E2F2: variants seen among roughly 807,000 people sequenced by gnomAD.
E2F2 encodes transcription factor E2F2.
E2F2 carries 22 observed loss-of-function variants against 42.2 expected under a neutral mutation model. The observed-to-expected ratio is 0.52, with a 90% CI of 0.37 to 0.74. The LOEUF (loss-of-function observed/expected upper bound fraction) is 0.74, where lower values mean the gene tolerates loss of function less well. Among genes scored for constraint, E2F2 ranks in the 30% least tolerant of loss-of-function variants. The pLI, the probability that E2F2 is intolerant of heterozygous loss-of-function variation, is 0.00. For missense variants in E2F2, 481 were observed against 557.8 expected (o/e 0.86, Z 1.39); for synonymous variants, 248 against 251.6 (o/e 0.99, Z 0.13).
rs757024658 is a variant in E2F2, at chr1:23,519,142, G to C, written c.738-12C>G. ...TCACATAGGCCAGCGTAGGGCAGGA[G>C]AGTCAAGAAAAGTGACTGTCTGGTC... On this transcript the variant is annotated splice_polypyrimidine_tract_variant and intron_variant, in intron 4 of 6. Coordinates refer to ENST00000361729, the MANE Select transcript of E2F2 (RefSeq NM_004091.4). 2 of 1,607,264 alleles carry C rather than the reference G, an allele frequency of 1.2e-6. No individual in the cohort carries two copies. The highest frequency in any genetic ancestry group is 1.7e-6 in the Non-Finnish European group (2 of 1,174,876).
At chr1:23,515,058 C>A (rs1367196221) in intron 6 of E2F2, among the ~76,000 whole-genome samples, 1 of 152,146 alleles carries the variant, frequency 6.6e-6, no homozygotes, top group East Asian at 1.9e-4. Context: ...ACTGCAGAGC[C>A]CTTCCAGCAA....
chr1:23,513,561 CATGTGTGTGT>C lies in E2F2; in HGVS notation c.1045+2764_1045+2773del, dbSNP rs1205361700. 2.2e-3 allele frequency among the ~76,000 whole-genome samples: 257 copies of C among 116,026 alleles called. 1 individual carries two copies. Among genetic ancestry groups the C allele is most frequent in the African/African-American group, 5.6e-3 (180 of 32,306 alleles). 76.1% of individuals were successfully genotyped at this position (116,026 alleles called of 152,430 possible). ...TACTATTTCAGAACACAGCACGGAA[CATGTGTGTGT>C]GTGTGTGTGTGTGTGTGTGTGTGTG... is the stretch of plus-strand genomic sequence containing the variant. On this transcript the variant is annotated intron_variant, in intron 6 of 6. Transcript: ENST00000361729.
At chr1:23,520,243 CAAAAAAAA>C (rs66460864) in intron 4 of E2F2, among the ~76,000 whole-genome samples, 4 of 78,896 alleles carry the variant, frequency 5.1e-5, no homozygotes, top group African/African-American at 1.6e-4. Flanking sequence ...GACTCTGTCT[CAAAAAAAA>C]AAAAAAAAAA....
At chr1:23,516,584 G>A in intron 5 of E2F2, 57 bp from the exon 6 acceptor site, 2 of 1,450,142 alleles carry the variant, frequency 1.4e-6, no homozygotes, top group Middle Eastern at 1.8e-4. Context: ...CTTACACTTA[G>A]TGTGTATGGA....
At chr1:23,518,894 C>T (rs1258789961) in intron 5 of E2F2, 122 bp downstream of exon 5, 2 of 675,242 alleles carry the variant, frequency 3.0e-6, no homozygotes, top group East Asian at 6.0e-5. Flanking sequence ...TTGCCATGGA[C>T]ACCACAATGG....
chr1:23,520,703 A>G (rs761757523), intron 4 of E2F2, among the ~76,000 whole-genome samples: 1 of 152,220 alleles, frequency 6.6e-6, no homozygotes, highest in East Asian at 1.9e-4. Flanking sequence ...TGATCATGCC[A>G]TTGTACTACA....
chr1:23,529,542 A>G (rs1643304625), intron 1 of E2F2, among the ~76,000 whole-genome samples: 2 of 152,180 alleles, frequency 1.3e-5, no homozygotes, highest in Non-Finnish European at 2.9e-5. Context: ...AAGCAAACCT[A>G]CAACACCCCC....
In E2F2 at chr1:23,530,939, C is replaced by G; in HGVS notation, c.-146G>C. 1 of 1,046,060 alleles carries G rather than the reference C, an allele frequency of 9.6e-7. No homozygotes were observed. The highest frequency in any genetic ancestry group is 1.3e-6 in the Non-Finnish European group (1 of 767,992). The allele number at this position is 1,046,060 out of a possible 1,614,324, so 64.8% of individuals were successfully genotyped here. On this transcript the variant is annotated 5_prime_UTR_variant, in exon 1 of 7. Transcript: ENST00000361729. The surrounding 1 kb of genome is among the most constrained non-coding windows in gnomAD (Gnocchi z 4.4). Reference sequence around the variant, plus strand: ...TGGACGCCTGCGGGGCAAGGCCGGACCCTCCCCTCCTGGCCCGCGGCCGAG... The same window carrying G: ...TGGACGCCTGCGGGGCAAGGCCGGAGCCTCCCCTCCTGGCCCGCGGCCGAG...
intron 1 of E2F2, among the ~76,000 whole-genome samples, chr1:23,527,420 G>A (rs1048913213): frequency 6.6e-5 from 10 of 152,222 alleles, no homozygotes; most frequent in Non-Finnish European, 7.3e-5. Context: ...CCCTTTGGCT[G>A]GATCTTCAAG....
intron 5 of E2F2, among the ~76,000 whole-genome samples, chr1:23,517,658 A>G (rs1350953948): frequency 6.6e-6 from 1 of 152,224 alleles, no homozygotes; most frequent in East Asian, 1.9e-4. Flanking sequence ...ACCCTAATAG[A>G]TGAAGCAGAA....
intron 6 of E2F2, 70 bp from the exon 7 acceptor site, chr1:23,510,218 C>G: frequency 2.1e-6 from 3 of 1,452,558 alleles, no homozygotes; most frequent in Non-Finnish European, 2.7e-6. Flanking sequence ...GGACAGACTT[C>G]CGGTTCTCTG....
intron 5 of E2F2, among the ~76,000 whole-genome samples, chr1:23,517,196 A>G (rs1643042003): frequency 6.6e-6 from 1 of 152,176 alleles, no homozygotes; most frequent in Non-Finnish European, 1.5e-5. Flanking sequence ...CGCTGAAGCC[A>G]GTTGGACTTG....
At chr1:23,516,773 A>C (rs930070244) in intron 5 of E2F2, among the ~76,000 whole-genome samples, 9 of 109,866 alleles carry the variant, frequency 8.2e-5, no homozygotes, top group African/African-American at 3.2e-4. Context: ...TCTTCCCCCC[A>C]CTCTCAGGTC....
At chr1:23,516,615 C>A in intron 5 of E2F2, 88 bp from the exon 6 acceptor site, 1 of 1,118,984 alleles carries the variant, frequency 8.9e-7, no homozygotes, top group Middle Eastern at 2.4e-4. Flanking sequence ...TGGCTGCTGC[C>A]ATCCATGGGT....
chr1:23,521,156 T>G lies in E2F2; in HGVS notation c.579-85A>C. On this transcript the variant is annotated intron_variant, in intron 3 of 6. Coordinates refer to ENST00000361729, the MANE Select transcript of E2F2 (RefSeq NM_004091.4). The stretch of plus-strand genomic sequence containing the variant: ...TCAAAAAATAGTCTATGAGGGTGCT[T>G]CCCTGGGTTGTGGAAATCAGTGGTC... 3 of 1,387,932 alleles carry G rather than the reference T, an allele frequency of 2.2e-6. No individual in the cohort carries two copies. The African/African-American group carries it at 4.5e-5, about 21-fold the overall frequency. 86.0% of individuals were successfully genotyped at this position (1,387,932 alleles called of 1,614,324 possible).
chr1:23,508,815 G>A lies in E2F2; in HGVS notation c.*1065C>T, dbSNP rs1461162787. 6.6e-6 allele frequency: 1 copy of A among 152,106 alleles called. No individual in the cohort carries two copies. The highest frequency in any genetic ancestry group is 2.4e-5 in the African/African-American group (1 of 41,288). The allele number at this position is 152,106 out of a possible 1,614,324, so 9.4% of individuals were successfully genotyped here. A position where few individuals can be genotyped will look rare whatever the true frequency, so the allele number is the denominator to read the frequency against. The stretch of plus-strand genomic sequence containing the variant: ...TGAAAAAATTCCTCCCAGGGAAGCA[G>A]AGAATGATGCCAGTGCCACATGGGG... On this transcript the variant is annotated 3_prime_UTR_variant, in exon 7 of 7. Coordinates refer to ENST00000361729, the MANE Select transcript of E2F2 (RefSeq NM_004091.4).
intron 2 of E2F2, among the ~76,000 whole-genome samples, chr1:23,523,858 G>A: frequency 6.6e-6 from 1 of 152,026 alleles, no homozygotes; most frequent in Non-Finnish European, 1.5e-5. Context: ...TGGATCATTT[G>A]AGGTCAGGAG....
Position 23,520,996 on chromosome 1 carries a change from C to T in E2F2, c.654G>A (p.Met218Ile). The T allele has an allele frequency of 1.2e-6, 2 of 1,613,750 alleles. No homozygotes were observed. Among genetic ancestry groups the T allele is most frequent in the Non-Finnish European group, 1.7e-6 (2 of 1,179,786 alleles). ...GCTGGTCCAAGGCCTGCTCCGTGTT[C>T]ATCAGCTCCTTCAGCTCCTGCCCCA... is the stretch of plus-strand genomic sequence containing the variant. ...QQLGQELKEL[M>I]NTEQALDQLI... The change falls in exon 4 of 7, where the codon ATG becomes ATA. Residue 218 changes from methionine (M) to isoleucine (I), a missense_variant. By Grantham distance (10) the Met-to-Ile change is conservative. Coordinates refer to ENST00000361729, the MANE Select transcript of E2F2 (RefSeq NM_004091.4).
At chr1:23,523,443 C>T (rs1643190860) in intron 2 of E2F2, among the ~76,000 whole-genome samples, 1 of 152,170 alleles carries the variant, frequency 6.6e-6, no homozygotes, top group Admixed American at 6.5e-5. Flanking sequence ...AGGTGTGAGC[C>T]ACCACGCTCA....
Sources: gnomAD v4.1 joint callset for allele counts (sites outside exome capture counted in the v4.1 genomes callset) on GRCh38, gnomAD v4.1.1 for gene constraint, Gnocchi (gnomAD v3.1) non-coding constraint, MANE v1.5 for transcripts, NCBI Gene and HGNC (gene_info 2026-07-23, HGNC 2026-07-21) for gene names.